COL5A3: variants seen among roughly 807,000 people sequenced by gnomAD.
COL5A3 encodes collagen alpha-3(V) chain.
In COL5A3, 172 loss-of-function variants were observed where a neutral mutation model predicts 250.0. The observed-to-expected ratio is 0.69, with a 90% CI of 0.61 to 0.78. COL5A3 has a LOEUF of 0.78. COL5A3 is among the 30% of genes least tolerant of loss of function. The pLI is 0.00. For missense variants in COL5A3, 2,340 were observed against 2,334.4 expected (o/e 1.00, Z -0.05); for synonymous variants, 937 against 900.4 (o/e 1.04, Z -0.73).
intron 51 of COL5A3, among the ~76,000 whole-genome samples, chr19:9,971,518 CATTT>C (rs1160165372): frequency 6.6e-6 from 1 of 152,200 alleles, no homozygotes; most frequent in Non-Finnish European, 1.5e-5. Context: ...ACTGGCCATT[CATTT>C]GTCTATTCAT....
chr19:9,990,003 C>T (rs910521313), intron 24 of COL5A3, among the ~76,000 whole-genome samples: 2 of 151,874 alleles, frequency 1.3e-5, no homozygotes, highest in African/African-American at 4.8e-5. Flanking sequence ...CCACCCACCT[C>T]GGCCTCCCAA....
At chr19:9,996,829 A>G (rs551618575) in intron 11 of COL5A3, 140 bp from the exon 12 acceptor site, 2 of 639,458 alleles carry the variant, frequency 3.1e-6, no homozygotes, top group South Asian at 2.1e-5. Flanking sequence ...AAGAGGGATC[A>G]TGGCAAGGAA....
At chr19:9,992,744 T>G (rs764594758) in intron 21 of COL5A3, 83 bp downstream of exon 21, 2 of 1,428,392 alleles carry the variant, frequency 1.4e-6, no homozygotes, top group Non-Finnish European at 1.9e-6. Flanking sequence ...GCCACCGCAC[T>G]CCAGCCTGGG....
intron 15 of COL5A3, 75 bp from the exon 16 acceptor site, chr19:9,995,692 AT>A: frequency 8.5e-7 from 1 of 1,172,832 alleles, no homozygotes; most frequent in Non-Finnish European, 1.2e-6. Context: ...ATTAAAAAAA[AT>A]TAGAGATGGG....
At chr19:10,003,102 A>G (rs1027726859) in intron 6 of COL5A3, among the ~76,000 whole-genome samples, 5 of 152,130 alleles carry the variant, frequency 3.3e-5, no homozygotes, top group Admixed American at 2.6e-4. Context: ...AAGCCAAATA[A>G]TGCCCCCAAT....
At chr19:10,004,280 T>C in intron 4 of COL5A3, 135 bp from the exon 5 acceptor site, 1 of 650,298 alleles carries the variant, frequency 1.5e-6, no homozygotes, top group Non-Finnish European at 2.8e-6. Flanking sequence ...GCATGCTAAG[T>C]ATAAGGAAGA....
chr19:10,002,855 T>C (rs1326760531), intron 6 of COL5A3, among the ~76,000 whole-genome samples: 1 of 152,020 alleles, frequency 6.6e-6, no homozygotes, highest in South Asian at 2.1e-4. Context: ...TGCGACCCCC[T>C]GAAAATCACT....
chr19:9,968,936 C>A lies in COL5A3; in HGVS notation c.4153-208G>T. On this transcript the variant is annotated intron_variant, in intron 57 of 66. Transcript: ENST00000264828. The surrounding 1 kb of genome is among the most constrained non-coding windows in gnomAD (Gnocchi z 4.1). ...CTGGAGGATGGACAACGTGAGTGGT[C>A]AGTGGCCAAGGTCAGCGTGGGTGAT... 1 of 633,190 alleles carries A rather than the reference C, an allele frequency of 1.6e-6. No individual in the cohort carries two copies. The highest frequency in any genetic ancestry group is 2.8e-6 in the Non-Finnish European group (1 of 358,972). 39.2% of individuals were successfully genotyped at this position (633,190 alleles called of 1,614,324 possible).
At chr19:10,007,376 C>T (rs2087458562) in intron 1 of COL5A3, among the ~76,000 whole-genome samples, 1 of 152,214 alleles carries the variant, frequency 6.6e-6, no homozygotes, top group South Asian at 2.1e-4. Flanking sequence ...CCAGACCTCC[C>T]CTGTCTGACC....
At position 9,996,873 on chromosome 19, in the gene COL5A3, G is replaced by A. The variant is rs867687980; in HGVS notation, c.1264-184C>T. 3.8e-5 allele frequency: 22 copies of A among 583,388 alleles called. 1 individual carries two copies. The South Asian group carries it at 4.3e-4, about 11-fold the overall frequency. 36.1% of individuals were successfully genotyped at this position (583,388 alleles called of 1,614,324 possible). A position where few individuals can be genotyped will look rare whatever the true frequency, so the allele number is the denominator to read the frequency against. ...AAGTAGAGAGAAGTGGAAAGGAAAA[G>A]ACAGAGATGGAACAGAGACAAAGAG... On this transcript the variant is annotated intron_variant, in intron 11 of 66. Transcript: ENST00000264828.
chr19:10,001,853 G>A lies in COL5A3; in HGVS notation c.878C>T (p.Thr293Ile), dbSNP rs903503405. ...QTSTDIPKTE[T>I]PAPNLPPTPT... ...GGTCGGAGGCAGATTTGGAGCTGGA[G>A]TCTCTGTCTTGGGGATGTCAGTGGA... The change falls in exon 7 of 67, where the codon ACT becomes ATT. Residue 293 changes from threonine to isoleucine, a missense_variant. Thr to Ile is a moderately conservative substitution (Grantham distance 89). Transcript: ENST00000264828. 7 of 1,614,102 alleles carry A rather than the reference G, an allele frequency of 4.3e-6. No individual in the cohort carries two copies. The Admixed American group carries it at 8.3e-5, about 19-fold the overall frequency.
At chr19:9,970,163 G>A (rs1037337302) in intron 54 of COL5A3, among the ~76,000 whole-genome samples, 2 of 114,774 alleles carry the variant, frequency 1.7e-5, no homozygotes. Flanking sequence ...GGGTCTGTGG[G>A]GTGAGTGGGG....
At chr19:9,961,403 C>T (rs539911886) in intron 65 of COL5A3, among the ~76,000 whole-genome samples, 135 of 151,940 alleles carry the variant, frequency 8.9e-4, no homozygotes, top group Non-Finnish European at 1.3e-3. Context: ...CTTGCTCTTT[C>T]GCGCAAGTTG....
chr19:9,996,741 A>C (rs773282547), intron 11 of COL5A3, 52 bp from the exon 12 acceptor site: 2 of 1,451,692 alleles, frequency 1.4e-6, no homozygotes, highest in Non-Finnish European at 1.9e-6. Flanking sequence ...AGGGAGAGAG[A>C]GAGCGAGGAC....
chr19:9,988,435 A>G (rs889885452), intron 27 of COL5A3, among the ~76,000 whole-genome samples: 1 of 152,108 alleles, frequency 6.6e-6, no homozygotes, highest in Non-Finnish European at 1.5e-5. Context: ...CAGCTTCCAT[A>G]TGGATATGAA....
chr19:9,978,463 A>G (rs778233410), intron 41 of COL5A3, 111 bp downstream of exon 41: 234 of 733,852 alleles, frequency 3.2e-4, no homozygotes, highest in Non-Finnish European at 5.0e-4. Context: ...ACCTCAAGTG[A>G]TCTGCCTGCC....
At position 10,005,887 on chromosome 19, in the gene COL5A3, G is replaced by T. The variant is rs767139804; in HGVS notation, c.346C>A (p.Arg116=). 1.2e-6 allele frequency: 2 copies of T among 1,613,796 alleles called. No individual in the cohort carries two copies. The highest frequency in any genetic ancestry group is 1.7e-5 in the Admixed American group (1 of 60,010). The part of the protein sequence containing the change: ...LLSIYDERGA[R]QLGLALGPAL... ...GGCCCCAGTGCCAGGCCCAACTGCCGGGCACCCCTTTCATCATAAATGGAC... is the reference window on the plus strand; with the variant it reads ...GGCCCCAGTGCCAGGCCCAACTGCCTGGCACCCCTTTCATCATAAATGGAC... The change falls in exon 3 of 67, where the codon CGG becomes AGG. Residue 116 remains arginine (R), a synonymous_variant. Coordinates refer to ENST00000264828, the MANE Select transcript of COL5A3 (RefSeq NM_015719.4).
Position 9,993,658 on chromosome 19 carries a change from G to A in COL5A3, c.1656C>T (p.Phe552=), listed in dbSNP as rs576300379. 3.6e-4 allele frequency: 575 copies of A among 1,614,054 alleles called. No individual in the cohort carries two copies. Among genetic ancestry groups the A allele is most frequent in the Non-Finnish European group, 4.5e-4 (535 of 1,180,004 alleles). Residue 552 remains phenylalanine (F), a synonymous_variant, in exon 18 of 67, where the codon TTC becomes TTT. Transcript: ENST00000264828. ...CACCAGGCAGCCCAGGGAGGCCATC[G>A]AAGCCACGATCACCCTGTCCAGAGA... ...GDTGPKGDRG[F]DGLPGLPGEK...
chr19:9,976,513 C>T (rs772891906), intron 45 of COL5A3, 45 bp downstream of exon 45: 2 of 1,458,318 alleles, frequency 1.4e-6, no homozygotes, highest in South Asian at 1.3e-5. Context: ...CACTATCCCT[C>T]CCTTCAAGGA....
Sources: allele counts gnomAD v4.1 joint callset (sites outside exome capture counted in the v4.1 genomes callset), GRCh38; gene constraint gnomAD v4.1.1; non-coding constraint Gnocchi (gnomAD v3.1); transcripts MANE v1.5; gene names NCBI Gene and HGNC (gene_info 2026-07-23, HGNC 2026-07-21).